DNAH3: variants seen among roughly 807,000 people sequenced by gnomAD.
DNAH3 encodes axonemal beta dynein heavy chain 3.
Under a neutral mutation model 432.5 loss-of-function variants are expected in DNAH3, and 332 were observed. The observed-to-expected ratio is 0.77, with a 90% CI of 0.70 to 0.84. The LOEUF (loss-of-function observed/expected upper bound fraction) is 0.84, where lower values mean the gene tolerates loss of function less well. DNAH3 is among the 40% of genes least tolerant of loss of function. The pLI, the probability that DNAH3 is intolerant of heterozygous loss-of-function variation, is 0.00. For missense variants in DNAH3, 4,861 were observed against 5,114.0 expected, an observed-to-expected ratio of 0.95 and a Z score of 1.51; for synonymous variants, 1,956 against 1,900.2, an observed-to-expected ratio of 1.03 and a Z score of -0.76.
intron 48 of DNAH3, 169 bp from the exon 49 acceptor site, chr16:20,983,055 T>C: frequency 3.2e-6 from 2 of 618,578 alleles, no homozygotes; most frequent in Middle Eastern, 4.4e-4. Context: ...AAATGCGGGC[T>C]AATTAGTGGG....
At position 20,976,915 on chromosome 16, in the gene DNAH3, G is replaced by A. The variant is rs528340695; in HGVS notation, c.8077-1500C>T. The stretch of plus-strand genomic sequence containing the variant: ...CTATGAGAAGTAAACGTTTGTTGTT[G>A]AAGCCACCCAGTTTGGGATATTTTG... On this transcript the variant is annotated intron_variant, in intron 50 of 61. Coordinates refer to ENST00000261383, the Ensembl canonical transcript of DNAH3. 3.9e-5 allele frequency among the ~76,000 whole-genome samples: 6 copies of A among 152,328 alleles called. No homozygotes were observed. The East Asian group carries it at 9.6e-4, about 24-fold the overall frequency.
At position 20,948,571 on chromosome 16, in the gene DNAH3, G is replaced by A. The variant is rs554398045; in HGVS notation, c.11255C>T (p.Ser3752Phe). 58 of 1,614,106 alleles carry A rather than the reference G, an allele frequency of 3.6e-5. No individual in the cohort carries two copies. The East Asian group carries it at 1.2e-3, about 33-fold the overall frequency. ...CTCAATTTCCTTACAGTAGAACATG[G>A]ACAGAAGTGACAGCAGGAGACGCCG... The change falls in exon 57 of 62, where the codon TCC becomes TTC. Residue 3752 changes from serine (S) to phenylalanine (F), a missense_variant. Coordinates refer to ENST00000261383, the Ensembl canonical transcript of DNAH3.
chr16:21,107,860 A>AT (rs1304831304), intron 14 of DNAH3, among the ~76,000 whole-genome samples: 9 of 150,452 alleles, frequency 6.0e-5, no homozygotes, highest in Non-Finnish European at 8.9e-5. Context: ...TGATCGTGAC[A>AT]TGTTTTTTTT....
chr16:21,063,268 G>A (rs1375381686), intron 24 of DNAH3, among the ~76,000 whole-genome samples: 1 of 152,082 alleles, frequency 6.6e-6, no homozygotes, highest in Non-Finnish European at 1.5e-5. Flanking sequence ...TGCGGCTGAT[G>A]AAATTTGTAT....
chr16:21,127,735 T>A (rs781582734), exon 8 of DNAH3: 1 of 1,614,108 alleles, frequency 6.2e-7, no homozygotes, highest in South Asian at 1.1e-5. Flanking sequence ...CTGGATCACA[T>A]CCCAAAATTC....
intron 37 of DNAH3, 138 bp from the exon 38 acceptor site, chr16:21,027,265 G>A (rs2088617574): frequency 1.6e-6 from 1 of 642,434 alleles, no homozygotes; most frequent in African/African-American, 1.8e-5. Context: ...CCCAGGCACT[G>A]TTATGCACTA....
intron 48 of DNAH3, 87 bp from the exon 49 acceptor site, chr16:20,982,973 G>A: frequency 6.8e-7 from 1 of 1,462,826 alleles, no homozygotes; most frequent in Non-Finnish European, 9.5e-7. Context: ...GATTCTGGTG[G>A]GGTAAGTGGG....
intron 1 of DNAH3, among the ~76,000 whole-genome samples, chr16:21,152,377 A>G (rs1380515494): frequency 6.6e-6 from 1 of 152,342 alleles, no homozygotes. Flanking sequence ...TGTCCAGAAC[A>G]CAAACATTCC....
chr16:20,954,183 A>G (rs926518184), intron 55 of DNAH3, among the ~76,000 whole-genome samples: 6 of 146,236 alleles, frequency 4.1e-5, no homozygotes, highest in African/African-American at 1.5e-4. Context: ...AGATCACAAC[A>G]CCACACTCCA....
At chr16:21,027,829 T>C (rs901547642) in intron 37 of DNAH3, among the ~76,000 whole-genome samples, 1 of 152,244 alleles carries the variant, frequency 6.6e-6, no homozygotes, top group African/African-American at 2.4e-5. Context: ...TCACCAAGTT[T>C]CCTGGTCCCT....
chr16:21,119,188 G>A (rs1324286244), intron 11 of DNAH3, among the ~76,000 whole-genome samples: 1 of 152,162 alleles, frequency 6.6e-6, no homozygotes, highest in Non-Finnish European at 1.5e-5. Context: ...GTGCCCCCAG[G>A]CCATGTGACA....
At chr16:21,104,721 G>A (rs1404004020) in intron 15 of DNAH3, 127 bp from the exon 16 acceptor site, 16 of 605,510 alleles carry the variant, frequency 2.6e-5, no homozygotes, top group Non-Finnish European at 4.2e-5. Context: ...ACACATGGAT[G>A]AGTGACAGTG....
chr16:21,159,413 G>A (rs1328648553), exon 1 of DNAH3: 1 of 1,614,102 alleles, frequency 6.2e-7, no homozygotes, highest in Non-Finnish European at 8.5e-7. Flanking sequence ...GGCGGCCAGT[G>A]TGAGCTCGAG....
At chr16:21,040,358 A>ATTTT (rs55797285) in intron 32 of DNAH3, among the ~76,000 whole-genome samples, 3 of 79,712 alleles carry the variant, frequency 3.8e-5, no homozygotes, top group East Asian at 4.3e-4. Context: ...AGCCAGACAG[A>ATTTT]TTTTTTTTTT....
chr16:20,957,791 G>A (rs2084630522), intron 54 of DNAH3, among the ~76,000 whole-genome samples: 1 of 71,510 alleles, frequency 1.4e-5, no homozygotes, highest in Non-Finnish European at 2.7e-5. Flanking sequence ...TGGGCAATAA[G>A]AGCGAAACTC....
At chr16:21,146,129 G>C in intron 1 of DNAH3, 41 bp from the exon 3 acceptor site, 1 of 1,434,568 alleles carries the variant, frequency 7.0e-7, no homozygotes, top group Non-Finnish European at 9.8e-7. Flanking sequence ...AAAAATTAGG[G>C]AAGATTTGCA....
At position 20,997,538 on chromosome 16, in the gene DNAH3, A is replaced by T. The variant is rs78048221; in HGVS notation, c.6422-76T>A. On this transcript the variant is annotated intron_variant, in intron 43 of 61. Coordinates refer to ENST00000261383, the Ensembl canonical transcript of DNAH3. The stretch of plus-strand genomic sequence containing the variant: ...GCTCTTACAGAGGTAACAGATGGCA[A>T]TTCCCCTGTAGGGGAATCTGTTCCC... 2,863 of 1,507,052 alleles carry T rather than the reference A, an allele frequency of 1.9e-3. 68 individuals are homozygous for T. The East Asian group carries it at 0.051, about 27-fold the overall frequency. The allele number at this position is 1,507,052 out of a possible 1,614,324, so 93.4% of individuals were successfully genotyped here.
rs1218808397 is a variant in DNAH3, at chr16:21,082,577, C to A, written c.2878-850G>T. ...GGGTGCAGTGGCTTACTCCTGTAAT[C>A]CCAGCACTTTGGGAGGCTGAGGCGG... is the stretch of plus-strand genomic sequence containing the variant. On this transcript the variant is annotated intron_variant, in intron 19 of 61. Coordinates refer to ENST00000261383, the Ensembl canonical transcript of DNAH3. Among the ~76,000 whole-genome samples the A allele has an allele frequency of 3.9e-5, 6 of 152,238 alleles. No homozygotes were observed. In the East Asian group the frequency reaches 5.8e-4, roughly 15 times the overall value.
chr16:21,014,527 C>T (rs977079301), intron 41 of DNAH3, among the ~76,000 whole-genome samples: 2 of 152,142 alleles, frequency 1.3e-5, no homozygotes, highest in African/African-American at 2.4e-5. Context: ...TAGATGCTTT[C>T]CTCCTAAGAC....
Sources: gnomAD v4.1 joint callset for allele counts (sites outside exome capture counted in the v4.1 genomes callset) on GRCh38, gnomAD v4.1.1 for gene constraint, MANE v1.5 for transcripts, NCBI Gene and HGNC (gene_info 2026-07-23, HGNC 2026-07-21) for gene names.